The following CIMIP2C variants were observed in gnomAD, a reference collection of about 807,000 sequenced individuals.
CIMIP2C encodes the protein UPF0573 protein C2orf70.
chr2:26,565,402 T>C, the CIMIP2C span, among the ~76,000 whole-genome samples: 2 of 152,162 alleles, frequency 1.3e-5, no homozygotes, highest in African/African-American at 4.8e-5. Flanking sequence ...TTTTTCTTTT[T>C]TAAAATCATC....
the CIMIP2C span, among the ~76,000 whole-genome samples, chr2:26,570,396 T>C: frequency 6.6e-6 from 1 of 152,220 alleles, no homozygotes; most frequent in Admixed American, 6.5e-5. Context: ...GTTTCTGGAA[T>C]TCTGCCTCCT....
the CIMIP2C span, among the ~76,000 whole-genome samples, chr2:26,576,659 C>A: frequency 5.3e-5 from 8 of 152,228 alleles, no homozygotes; most frequent in Non-Finnish European, 1.0e-4. Context: ...CCTGCTCACC[C>A]CTCCCTGCCC....
At chr2:26,577,932 A>T in the CIMIP2C span, 1 of 393,760 alleles carries the variant, frequency 2.5e-6, no homozygotes. Context: ...CCCCGCCTGC[A>T]AAGGCAGCCT....
At chr2:26,575,846 C>A in the CIMIP2C span, 180 of 1,570,192 alleles carry the variant, frequency 1.1e-4, no homozygotes, top group Non-Finnish European at 1.5e-4. Context: ...TCTCTTGGAA[C>A]AGGCCTGGGG....
At chr2:26,570,923 T>G in the CIMIP2C span, among the ~76,000 whole-genome samples, 1 of 151,990 alleles carries the variant, frequency 6.6e-6, no homozygotes, top group Non-Finnish European at 1.5e-5. Flanking sequence ...TAAGCAGGAC[T>G]TAGGGAGAGG....
chr2:26,577,438 G>A, the CIMIP2C span: 1 of 1,326,430 alleles, frequency 7.5e-7, no homozygotes, highest in Non-Finnish European at 1.1e-6. Context: ...CCCAGGTGCA[G>A]CGAGGCATGG....
chr2:26,562,641 T>G, the CIMIP2C span: 1 of 1,587,458 alleles, frequency 6.3e-7, no homozygotes, highest in Non-Finnish European at 8.6e-7. Flanking sequence ...GGCACCCTAC[T>G]GACCGAGTTC....
chr2:26,570,263 A>G, the CIMIP2C span, among the ~76,000 whole-genome samples: 11 of 152,174 alleles, frequency 7.2e-5, no homozygotes, highest in Non-Finnish European at 1.6e-4. Context: ...TCATTTTTCT[A>G]TGGCTCCTTT....
chr2:26,570,419 T>C, the CIMIP2C span, among the ~76,000 whole-genome samples: 1 of 152,208 alleles, frequency 6.6e-6, no homozygotes, highest in African/African-American at 2.4e-5. Context: ...AGTGAACATT[T>C]GTTGAGCACT....
the CIMIP2C span, among the ~76,000 whole-genome samples, chr2:26,569,986 A>T: frequency 1.3e-5 from 2 of 152,184 alleles, no homozygotes; most frequent in Non-Finnish European, 2.9e-5. Flanking sequence ...CATATAAGGG[A>T]CACAGACCTA....
the CIMIP2C span, among the ~76,000 whole-genome samples, chr2:26,571,691 A>C: frequency 2.0e-5 from 3 of 152,284 alleles, no homozygotes; most frequent in Non-Finnish European, 4.4e-5. Flanking sequence ...TCCAGGGTCA[A>C]CGTTTGGTGC....
At chr2:26,577,657 C>A in the CIMIP2C span, 2 of 1,575,202 alleles carry the variant, frequency 1.3e-6, no homozygotes, top group Non-Finnish European at 1.7e-6. Flanking sequence ...TTCATCTACG[C>A]AGTCAAGAAA....
the CIMIP2C span, chr2:26,575,886 C>A: frequency 6.2e-7 from 1 of 1,609,802 alleles, no homozygotes; most frequent in Non-Finnish European, 8.5e-7. Context: ...TCCACCACCC[C>A]CACCGTGATC....
At chr2:26,564,697 G>A in the CIMIP2C span, among the ~76,000 whole-genome samples, 1 of 152,206 alleles carries the variant, frequency 6.6e-6, no homozygotes, top group Non-Finnish European at 1.5e-5. Flanking sequence ...TCTTATTTTT[G>A]TGTGTCTGTT....
At chr2:26,565,437 C>CA in the CIMIP2C span, among the ~76,000 whole-genome samples, 1 of 152,170 alleles carries the variant, frequency 6.6e-6, no homozygotes, top group Admixed American at 6.5e-5. Context: ...GAGGAATGAG[C>CA]AGCTTGCCCA....
At chr2:26,577,399 G>A in the CIMIP2C span, 1 of 920,714 alleles carries the variant, frequency 1.1e-6, no homozygotes, top group Non-Finnish European at 1.7e-6. Context: ...CTCCTCCGGG[G>A]GCATTAGGGG....
chr2:26,579,246 T>C, the CIMIP2C span: 4 of 1,599,022 alleles, frequency 2.5e-6, no homozygotes, highest in African/African-American at 5.4e-5. Flanking sequence ...ACGCACCACC[T>C]TCCTTCCCTG....
the CIMIP2C span, chr2:26,579,203 C>T: frequency 6.7e-7 from 1 of 1,502,724 alleles, no homozygotes; most frequent in South Asian, 1.2e-5. Context: ...TCAGCTTGAG[C>T]TGGAAAGTGG....
chr2:26,565,967 T>C, the CIMIP2C span, among the ~76,000 whole-genome samples: 1 of 152,220 alleles, frequency 6.6e-6, no homozygotes, highest in Non-Finnish European at 1.5e-5. Flanking sequence ...GTGCTATTCC[T>C]GCAGTGGGCA....
Sources: allele counts gnomAD v4.1 joint callset (sites outside exome capture counted in the v4.1 genomes callset), GRCh38; gene constraint gnomAD v4.1.1; transcripts MANE v1.5; gene names NCBI Gene and HGNC (gene_info 2026-07-23, HGNC 2026-07-21).